Variants in PCDHA5 observed in about 807,000 individuals in gnomAD.
PCDHA5 encodes the protein protocadherin alpha-5.
A neutral mutation model predicts 61.6 loss-of-function variants in PCDHA5; 43 were observed. The observed-to-expected ratio is 0.70, with a 90% CI of 0.55 to 0.90. The LOEUF (loss-of-function observed/expected upper bound fraction) is 0.90, where lower values mean the gene tolerates loss of function less well. PCDHA5 is among the 40% of genes least tolerant of loss of function. The probability of loss-of-function intolerance (pLI) is 0.00; values close to 1 mark genes in which losing one functional copy is unlikely to be tolerated. For synonymous variants in PCDHA5, 627 were observed against 543.9 expected (o/e 1.15, Z -2.13); for missense variants, 1,298 against 1,222.7 (o/e 1.06, Z -0.92).
At chr5:140,845,439 T>C (rs965524315) in intron 1 of PCDHA5, among the ~76,000 whole-genome samples, 1 of 149,744 alleles carries the variant, frequency 6.7e-6, no homozygotes, top group Non-Finnish European at 1.5e-5. Flanking sequence ...ATTTTAGTTC[T>C]GTTTTTCTTC....
chr5:140,863,334 G>T (rs782071935), intron 1 of PCDHA5: 24 of 1,387,574 alleles, frequency 1.7e-5, no homozygotes, highest in South Asian at 5.7e-5. Flanking sequence ...TAGTGCTCAC[G>T]TTGCTGCTGT....
chr5:140,849,974 G>C lies in PCDHA5; in HGVS notation c.2352+25847G>C, dbSNP rs190398483. The C allele has an allele frequency of 8.8e-6, 14 of 1,597,556 alleles. 2 individuals are homozygous for C. In the South Asian group the frequency reaches 1.4e-4, roughly 16 times the overall value. ...AGGAGAACGCCCTGGTGTCCTACTC[G>C]CTGGTGGAGCGGCGGTTGGGCGAGC... is the stretch of plus-strand genomic sequence containing the variant. On this transcript the variant is annotated intron_variant, in intron 1 of 3. Transcript: ENST00000529859.
intron 1 of PCDHA5, chr5:140,866,000 TAA>T (rs1485805064): frequency 6.6e-6 from 1 of 152,190 alleles, no homozygotes; most frequent in Non-Finnish European, 1.5e-5. Flanking sequence ...TTTTTTATGT[TAA>T]GTGATTTTTT....
intron 1 of PCDHA5, chr5:140,828,236 G>C: frequency 1.2e-6 from 2 of 1,613,966 alleles, no homozygotes; most frequent in Non-Finnish European, 1.7e-6. Flanking sequence ...GGGCCGGATC[G>C]CGCAGGACCT....
chr5:140,913,107 CA>C (rs2076210472), intron 1 of PCDHA5, among the ~76,000 whole-genome samples: 1 of 152,078 alleles, frequency 6.6e-6, no homozygotes, highest in South Asian at 2.1e-4. Context: ...CTCATAGAAT[CA>C]GTTTGGAAGT....
chr5:140,860,067 T>C (rs2150484600), intron 1 of PCDHA5: 1 of 151,674 alleles, frequency 6.6e-6, no homozygotes, highest in African/African-American at 2.4e-5. Flanking sequence ...GGTGGGAGGA[T>C]GGTTTGAGGC....
Position 140,968,523 on chromosome 5 carries a change from A to T in PCDHA5, c.2353-10426A>T, listed in dbSNP as rs1441549667. ...CACATTCTGTACCCTACCTCAACCA[A>T]CTCGTCAGCAGCCTTCGAGATGGTG... On this transcript the variant is annotated intron_variant, in intron 1 of 3. Coordinates refer to ENST00000529859, the MANE Select transcript of PCDHA5 (RefSeq NM_018908.3). The T allele has an allele frequency of 1.3e-5, 21 of 1,613,762 alleles. No individual in the cohort carries two copies. Among genetic ancestry groups the T allele is most frequent in the Non-Finnish European group, 1.8e-5 (21 of 1,179,980 alleles).
At chr5:141,009,095 A>G (rs1304233331) in intron 3 of PCDHA5, among the ~76,000 whole-genome samples, 3 of 152,214 alleles carry the variant, frequency 2.0e-5, no homozygotes, top group Admixed American at 6.5e-5. Context: ...AGAACCAAAC[A>G]TATGTTACTA....
intron 1 of PCDHA5, chr5:140,827,955 C>A: frequency 7.8e-7 from 1 of 1,286,522 alleles, no homozygotes; most frequent in Non-Finnish European, 1.1e-6. Context: ...ATTCAAATTT[C>A]TTCTATTACT....
chr5:140,880,889 G>T (rs1554171573), intron 1 of PCDHA5, among the ~76,000 whole-genome samples: 1 of 152,130 alleles, frequency 6.6e-6, no homozygotes, highest in Admixed American at 6.6e-5. Context: ...GAAATGTAGG[G>T]CCAGATAGAA....
intron 1 of PCDHA5, chr5:140,870,270 G>C (rs139719896): frequency 0.022 from 34,719 of 1,614,158 alleles, 446 homozygotes; most frequent in African/African-American, 0.029. Flanking sequence ...GCTCGCTGAC[G>C]CCCCACGTTC....
intron 1 of PCDHA5, among the ~76,000 whole-genome samples, chr5:140,913,572 TCAAA>T (rs150264547): frequency 6.6e-6 from 1 of 152,264 alleles, no homozygotes; most frequent in East Asian, 1.9e-4. Context: ...TTTCATCATT[TCAAA>T]TATATTTCTG....
intron 1 of PCDHA5, chr5:140,967,992 C>T: frequency 1.2e-6 from 2 of 1,614,250 alleles, no homozygotes; most frequent in Non-Finnish European, 1.7e-6. Flanking sequence ...GCCACACTGC[C>T]TTTCCGACTG....
rs186574903 is a variant in PCDHA5, at chr5:140,898,271, A to T, written c.2352+74144A>T. On this transcript the variant is annotated intron_variant, in intron 1 of 3. Transcript: ENST00000529859. The stretch of plus-strand genomic sequence containing the variant: ...AGACATGAAGTCCTTGCCCATGCCT[A>T]AGTTCTGAATGGTAATGCCTAGGTT... 4.6e-3 allele frequency among the ~76,000 whole-genome samples: 703 copies of T among 152,290 alleles called. 3 individuals carry two copies. The highest frequency in any genetic ancestry group is 0.016 in the African/African-American group (680 of 41,550).
chr5:140,842,934 G>A (rs2150348030), intron 1 of PCDHA5: 3 of 1,594,530 alleles, frequency 1.9e-6, no homozygotes, highest in Non-Finnish European at 2.6e-6. Context: ...GTGAGCGCGC[G>A]CGACGCGGGC....
At chr5:140,883,634 G>C (rs782548505) in intron 1 of PCDHA5, 18 of 1,613,174 alleles carry the variant, frequency 1.1e-5, no homozygotes, top group African/African-American at 5.4e-5. Flanking sequence ...GCCGGCGTTC[G>C]CGCAGCCCGA....
At chr5:140,896,226 T>G (rs1554186874) in intron 1 of PCDHA5, among the ~76,000 whole-genome samples, 1 of 152,242 alleles carries the variant, frequency 6.6e-6, no homozygotes, top group African/African-American at 2.4e-5. Flanking sequence ...GTCTTTATAG[T>G]AGAATGACTT....
intron 1 of PCDHA5, among the ~76,000 whole-genome samples, chr5:140,941,191 T>TTTTTC (rs1554213809): frequency 1.8e-4 from 17 of 93,256 alleles, no homozygotes; most frequent in Middle Eastern, 5.1e-3. Context: ...GCTTCTTTTT[T>TTTTTC]TTTCTTTCTT....
Position 140,845,928 on chromosome 5 carries a change from A to G in PCDHA5, c.2352+21801A>G, listed in dbSNP as rs1394601950. On this transcript the variant is annotated intron_variant, in intron 1 of 3. Coordinates refer to ENST00000529859, the MANE Select transcript of PCDHA5 (RefSeq NM_018908.3). ...CATATTAATCTTATTTTTGTGTAAA[A>G]CTATCTTCTGTAAAGTCATTTTTTA... Among the ~76,000 whole-genome samples the G allele has an allele frequency of 1.3e-5, 2 of 149,652 alleles. 1 individual carries two copies. The highest frequency in any genetic ancestry group is 1.3e-4 in the Admixed American group (2 of 14,942).
Sources: allele counts gnomAD v4.1 joint callset (sites outside exome capture counted in the v4.1 genomes callset), GRCh38; gene constraint gnomAD v4.1.1; transcripts MANE v1.5; gene names NCBI Gene and HGNC (gene_info 2026-07-23, HGNC 2026-07-21).